The following ATP2A3 variants were observed in gnomAD, a reference collection of about 807,000 sequenced individuals.
ATP2A3 encodes the protein sarcoplasmic/endoplasmic reticulum calcium ATPase 3.
Under a neutral mutation model 106.8 loss-of-function variants are expected in ATP2A3, and 61 were observed. The observed-to-expected ratio is 0.57, with a 90% CI of 0.46 to 0.71. ATP2A3 has a LOEUF of 0.71. ATP2A3 is among the 30% of genes least tolerant of loss of function. ATP2A3 has a pLI of 0.00. For missense variants in ATP2A3, 1,201 were observed against 1,423.5 expected, an observed-to-expected ratio of 0.84 and a Z score of 2.52; for synonymous variants, 611 against 609.3, an observed-to-expected ratio of 1.00 and a Z score of -0.04.
In ATP2A3 at chr17:3,924,508, G is replaced by T. The variant is rs566998762; in HGVS notation, c.*914C>A. On this transcript the variant is annotated 3_prime_UTR_variant, in exon 21 of 21. Coordinates refer to ENST00000397041, the MANE Select transcript of ATP2A3 (RefSeq NM_005173.4). The surrounding 1 kb of genome is among the most constrained non-coding windows in gnomAD (Gnocchi z 6.4). ...CCCCCAGCTGTGCAGACAGCGCGGCGGCCGCACACTGGGCTGGGTAGAAGG... is the reference window on the plus strand; with the variant it reads ...CCCCCAGCTGTGCAGACAGCGCGGCTGCCGCACACTGGGCTGGGTAGAAGG... 3.2e-6 allele frequency: 1 copy of T among 317,100 alleles called. No homozygotes were observed. The highest frequency in any genetic ancestry group is 6.3e-6 in the Non-Finnish European group (1 of 159,140). 19.6% of individuals were successfully genotyped at this position (317,100 alleles called of 1,614,324 possible).
At chr17:3,935,344 C>T in intron 16 of ATP2A3, 67 bp from the exon 17 acceptor site, 4 of 1,466,830 alleles carry the variant, frequency 2.7e-6, no homozygotes, top group Non-Finnish European at 3.8e-6. Flanking sequence ...TTTCCCCTGC[C>T]TAATAATTCC....
intron 17 of ATP2A3, among the ~76,000 whole-genome samples, chr17:3,933,156 C>G (rs1162379022): frequency 1.3e-5 from 2 of 151,590 alleles, no homozygotes; most frequent in African/African-American, 4.9e-5. Context: ...TGGCGGGTGC[C>G]TGTAATCCCA....
intron 16 of ATP2A3, 39 bp from the exon 17 acceptor site, chr17:3,935,316 G>A (rs2053373934): frequency 1.3e-6 from 2 of 1,583,928 alleles, no homozygotes; most frequent in East Asian, 2.2e-5. Context: ...GAGAATGGCG[G>A]TGGTTTTCTG....
At position 3,942,598 on chromosome 17, in the gene ATP2A3, G is replaced by A. The variant is rs926628182; in HGVS notation, c.1545+8C>T. ...GCAGGGGCCCAGGCCAGCCAGGCAG[G>A]CCCCCACCTTCACAAACATCTTGCT... is the stretch of plus-strand genomic sequence containing the variant. On this transcript the variant is annotated splice_region_variant and intron_variant, in intron 12 of 20. Coordinates refer to ENST00000397041, the MANE Select transcript of ATP2A3 (RefSeq NM_005173.4). 5.6e-6 allele frequency: 9 copies of A among 1,609,152 alleles called. No homozygotes were observed. The highest frequency in any genetic ancestry group is 7.6e-6 in the Non-Finnish European group (9 of 1,179,610).
At position 3,930,861 on chromosome 17, in the gene ATP2A3, T is replaced by G; in HGVS notation, c.2611-427A>C. ...CCTGTTCACTGTTATTAAGATTCCA[T>G]TTACAGCTGGGCGTGGTGGCTCATG... On this transcript the variant is annotated intron_variant, in intron 17 of 20. Transcript: ENST00000397041. The surrounding 1 kb of genome is among the most constrained non-coding windows in gnomAD (Gnocchi z 5.4). 1 of 302,964 alleles carries G rather than the reference T, an allele frequency of 3.3e-6. No individual in the cohort carries two copies. Among genetic ancestry groups the G allele is most frequent in the Non-Finnish European group, 6.5e-6 (1 of 153,760 alleles). 18.8% of individuals were successfully genotyped at this position (302,964 alleles called of 1,614,324 possible).
Position 3,941,281 on chromosome 17 carries a change from A to G in ATP2A3, c.1790T>C (p.Val597Ala). 6.2e-7 allele frequency: 1 copy of G among 1,613,670 alleles called. No individual in the cohort carries two copies. Among genetic ancestry groups the G allele is most frequent in the Non-Finnish European group, 8.5e-7 (1 of 1,179,948 alleles). Reference protein sequence around the residue: ...YETDLTFVGCVGMLDPPRPEV... With the variant: ...YETDLTFVGCAGMLDPPRPEV... ...AGGTCGCGGCGGGTCCAGCATGCCT[A>G]CGCAGCCCACGAAGGTCAGGTCCGT... The change falls in exon 14 of 21, where the codon GTA becomes GCA. Residue 597 changes from valine to alanine, a missense_variant. Physicochemically the swap from Val to Ala is moderately conservative, Grantham distance 64. Coordinates refer to ENST00000397041, the MANE Select transcript of ATP2A3 (RefSeq NM_005173.4).
chr17:3,939,775 G>A (rs1409193907), intron 14 of ATP2A3, among the ~76,000 whole-genome samples: 8 of 110,194 alleles, frequency 7.3e-5, no homozygotes, highest in East Asian at 4.9e-4. Flanking sequence ...GTGACAGAGC[G>A]AGACTCTGTC....
intron 8 of ATP2A3, among the ~76,000 whole-genome samples, chr17:3,945,664 G>A (rs2054073218): frequency 6.6e-6 from 1 of 152,234 alleles, no homozygotes; most frequent in African/African-American, 2.4e-5. Context: ...CACAGGGCCT[G>A]CTGGGTCACT....
rs961992160 is a variant in ATP2A3, at chr17:3,944,824, T to C, written c.1185-18A>G. On this transcript the variant is annotated intron_variant, in intron 9 of 20. Transcript: ENST00000397041. ...CCTGCCGCCTGCGGAGCCGGGGCGG[T>C]CACCAGGAGGACCTCGGCTCCGCCC... is the stretch of plus-strand genomic sequence containing the variant. 4 of 1,600,544 alleles carry C rather than the reference T, an allele frequency of 2.5e-6. No homozygotes were observed. The highest frequency in any genetic ancestry group is 1.8e-4 in the Middle Eastern group (1 of 5,642).
intron 8 of ATP2A3, among the ~76,000 whole-genome samples, chr17:3,945,794 C>T (rs528092390): frequency 3.3e-5 from 5 of 152,264 alleles, no homozygotes; most frequent in East Asian, 1.9e-4. Flanking sequence ...ATGGCCTCAC[C>T]GCACATTCTC....
In ATP2A3 at chr17:3,950,609, T is replaced by A; in HGVS notation, c.545-13A>T. 1.2e-6 allele frequency: 2 copies of A among 1,614,100 alleles called. No individual in the cohort carries two copies. The highest frequency in any genetic ancestry group is 1.7e-6 in the Non-Finnish European group (2 of 1,179,992). Reference sequence around the variant, plus strand: ...GACACAGATTCACCTGGTCAGGGAATCAGAGATGAGAAGCCCCACATGAAG... The same window carrying A: ...GACACAGATTCACCTGGTCAGGGAAACAGAGATGAGAAGCCCCACATGAAG... On this transcript the variant is annotated splice_polypyrimidine_tract_variant and intron_variant, in intron 6 of 20. Transcript: ENST00000397041.
chr17:3,930,254 C>T lies in ATP2A3; in HGVS notation c.2744+47G>A, dbSNP rs770498756. On this transcript the variant is annotated intron_variant, in intron 18 of 20. Coordinates refer to ENST00000397041, the MANE Select transcript of ATP2A3 (RefSeq NM_005173.4). This position sits in a 1 kb window ranked among gnomAD's most constrained non-coding sequence, Gnocchi z 5.4. ...CACTGATACTGGAACCCCCAGCCCT[C>T]AGCCCCCACTCCTCGGCCCCAGCTC... 1 of 1,410,272 alleles carries T rather than the reference C, an allele frequency of 7.1e-7. No homozygotes were observed. The highest frequency in any genetic ancestry group is 1.4e-5 in the African/African-American group (1 of 71,030). 87.4% of individuals were successfully genotyped at this position (1,410,272 alleles called of 1,614,324 possible). A position where few individuals can be genotyped will look rare whatever the true frequency, so the allele number is the denominator to read the frequency against.
Position 3,925,259 on chromosome 17 carries a change from A to G in ATP2A3, c.*163T>C. ...AGGAAGTGGGGACAGAGACCCCAGG[A>G]CGGGGCCCGGGGATGGCCATTCTGA... is the stretch of plus-strand genomic sequence containing the variant. On this transcript the variant is annotated 3_prime_UTR_variant, in exon 21 of 21. Transcript: ENST00000397041. The surrounding 1 kb of genome is among the most constrained non-coding windows in gnomAD (Gnocchi z 4.2). The G allele has an allele frequency of 2.6e-6, 3 of 1,155,730 alleles. No homozygotes were observed. Among genetic ancestry groups the G allele is most frequent in the Non-Finnish European group, 3.8e-6 (3 of 799,546 alleles). 71.6% of individuals were successfully genotyped at this position (1,155,730 alleles called of 1,614,324 possible).
intron 1 of ATP2A3, 26 bp downstream of exon 1, chr17:3,964,148 C>A: frequency 9.1e-7 from 1 of 1,103,562 alleles, no homozygotes; most frequent in South Asian, 4.0e-5. Context: ...CCCCGCTCCC[C>A]GGCCCGGCCC....
rs1234056904 is a variant in ATP2A3, at chr17:3,955,892, T to TA, written c.119-2183_119-2182insT. Among the ~76,000 whole-genome samples, 4 of 150,712 alleles carry TA rather than the reference T, an allele frequency of 2.7e-5. No individual in the cohort carries two copies. The highest frequency in any genetic ancestry group is 2.1e-4 in the South Asian group (1 of 4,798). On this transcript the variant is annotated intron_variant, in intron 1 of 20. Coordinates refer to ENST00000397041, the MANE Select transcript of ATP2A3 (RefSeq NM_005173.4). This position sits in a 1 kb window ranked among gnomAD's most constrained non-coding sequence, Gnocchi z 4.2. ...CTCTTATTTTATTTTATTTTATTTTTTTTTTTTGAGATGGAGTCTTGCTCT... is the reference window on the plus strand; with the variant it reads ...CTCTTATTTTATTTTATTTTATTTTTATTTTTTTGAGATGGAGTCTTGCTCT...
intron 20 of ATP2A3, chr17:3,927,799 G>A (rs771368061): frequency 1.7e-5 from 17 of 985,210 alleles, no homozygotes; most frequent in African/African-American, 5.2e-5. Flanking sequence ...TGACAGACGC[G>A]TGATCTATTT....
Position 3,928,015 on chromosome 17 carries a change from C to G in ATP2A3, c.2980+648G>C. The G allele has an allele frequency of 6.2e-7, 1 of 1,614,078 alleles. No homozygotes were observed. Among genetic ancestry groups the G allele is most frequent in the Non-Finnish European group, 8.5e-7 (1 of 1,180,028 alleles). ...CTCCCTCTCTGAGCAGCTCTGACAG[C>G]GAGACGATGCTGTGTCCCTGGCCCT... On this transcript the variant is annotated intron_variant, in intron 20 of 20. Transcript: ENST00000397041. This position sits in a 1 kb window ranked among gnomAD's most constrained non-coding sequence, Gnocchi z 6.1.
At position 3,924,842 on chromosome 17, in the gene ATP2A3, C is replaced by T. The variant is rs559979916; in HGVS notation, c.*580G>A. 1.2e-4 allele frequency: 55 copies of T among 456,784 alleles called. No homozygotes were observed. Among genetic ancestry groups the T allele is most frequent in the East Asian group, 4.2e-4 (6 of 14,392 alleles). The allele number at this position is 456,784 out of a possible 1,614,324, so 28.3% of individuals were successfully genotyped here. On this transcript the variant is annotated 3_prime_UTR_variant, in exon 21 of 21. Transcript: ENST00000397041. The surrounding 1 kb of genome is among the most constrained non-coding windows in gnomAD (Gnocchi z 6.4). ...GAAGCAGCCTCGAGCTCTCGGGAGC[C>T]GACTTTGTGGAAGCAGAGTGGAGTG...
At position 3,953,641 on chromosome 17, in the gene ATP2A3, G is replaced by A. The variant is rs764299878; in HGVS notation, c.136+52C>T. Reference sequence around the variant, plus strand: ...AGGAAGTCATGACCAGACAGAGAACGACCCAGGGATGCTGCCCGCGGCCTA... The same window carrying A: ...AGGAAGTCATGACCAGACAGAGAACAACCCAGGGATGCTGCCCGCGGCCTA... On this transcript the variant is annotated intron_variant, in intron 2 of 20. Coordinates refer to ENST00000397041, the MANE Select transcript of ATP2A3 (RefSeq NM_005173.4). The surrounding 1 kb of genome is among the most constrained non-coding windows in gnomAD (Gnocchi z 5.1). The A allele has an allele frequency of 2.2e-5, 35 of 1,556,016 alleles. No individual in the cohort carries two copies. The Middle Eastern group carries it at 2.2e-3, about 96-fold the overall frequency.
Sources: gnomAD v4.1 joint callset for allele counts (sites outside exome capture counted in the v4.1 genomes callset) on GRCh38, gnomAD v4.1.1 for gene constraint, Gnocchi (gnomAD v3.1) non-coding constraint, MANE v1.5 for transcripts, NCBI Gene and HGNC (gene_info 2026-07-23, HGNC 2026-07-21) for gene names.